CNIH3: variants seen among roughly 807,000 people sequenced by gnomAD.
CNIH3 encodes protein cornichon homolog 3.
In CNIH3, 14 loss-of-function variants were observed where a neutral mutation model predicts 24.1. The observed-to-expected ratio is 0.58, with a 90% confidence interval of 0.38 to 0.91. The LOEUF is 0.91. CNIH3 is among the 40% of genes least tolerant of loss of function. CNIH3 has a pLI of 0.00. For missense variants in CNIH3, 178 were observed against 196.8 expected (o/e 0.90, Z 0.57); for synonymous variants, 68 against 73.8 (o/e 0.92, Z 0.40).
intron 1 of CNIH3, among the ~76,000 whole-genome samples, chr1:224,670,047 G>C (rs1040996304): frequency 2.0e-5 from 3 of 152,144 alleles, no homozygotes; most frequent in Admixed American, 6.5e-5. Flanking sequence ...TTGAGGTAGA[G>C]ATTATTCTCA....
upstream of CNIH3, chr1:224,514,056 CAACAAACA>C (rs1001513224): frequency 2.0e-5 from 3 of 152,190 alleles, no homozygotes; most frequent in Admixed American, 2.0e-4. Context: ...TTTATTAAAG[CAACAAACA>C]AACAAACAAA....
chr1:224,509,586 A>G (rs1678056462), intron 1 of CNIH3, among the ~76,000 whole-genome samples: 1 of 152,148 alleles, frequency 6.6e-6, no homozygotes, highest in Admixed American at 6.5e-5. Flanking sequence ...TCATCTCCCA[A>G]GTACCCTGCC....
intron 1 of CNIH3, among the ~76,000 whole-genome samples, chr1:224,503,385 T>C (rs1326878460): frequency 6.6e-6 from 1 of 152,156 alleles, no homozygotes; most frequent in Non-Finnish European, 1.5e-5. Flanking sequence ...CTCTTGTCTC[T>C]GTCACCCTCC....
At chr1:224,699,790 C>A (rs1687382558) in intron 3 of CNIH3, among the ~76,000 whole-genome samples, 1 of 152,200 alleles carries the variant, frequency 6.6e-6, no homozygotes, top group African/African-American at 2.4e-5. Flanking sequence ...GCCCCTCACC[C>A]CCTACCTGTC....
chr1:224,600,539 G>T (rs1041585086), intron 3 of CNIH3, among the ~76,000 whole-genome samples: 9 of 152,110 alleles, frequency 5.9e-5, no homozygotes, highest in Admixed American at 5.2e-4. Context: ...TGTTGTCCAG[G>T]CTGGAGTGCA....
chr1:224,706,355 A>G (rs762810664), intron 3 of CNIH3, among the ~76,000 whole-genome samples: 3 of 152,166 alleles, frequency 2.0e-5, no homozygotes, highest in Non-Finnish European at 2.9e-5. Flanking sequence ...CCTTGATGTC[A>G]TCAGACAAAT....
downstream of CNIH3, among the ~76,000 whole-genome samples, chr1:224,590,199 T>C (rs908252965): frequency 1.3e-5 from 2 of 152,230 alleles, no homozygotes; most frequent in Non-Finnish European, 2.9e-5. Context: ...ATGCCAGTGC[T>C]GTACTTGGCA....
At chr1:224,710,231 C>G (rs1014964100) in intron 3 of CNIH3, among the ~76,000 whole-genome samples, 1 of 152,222 alleles carries the variant, frequency 6.6e-6, no homozygotes, top group African/African-American at 2.4e-5. Context: ...TTCCATGTTA[C>G]TTGGGATTTA....
intron 1 of CNIH3, among the ~76,000 whole-genome samples, chr1:224,479,942 G>T (rs1207612678): frequency 6.6e-6 from 1 of 152,162 alleles, no homozygotes; most frequent in Non-Finnish European, 1.5e-5. Flanking sequence ...AACTTCACTA[G>T]GTGCTGCCCC....
intron 1 of CNIH3, among the ~76,000 whole-genome samples, chr1:224,638,695 C>T (rs973061075): frequency 6.6e-6 from 1 of 152,154 alleles, no homozygotes; most frequent in African/African-American, 2.4e-5. Flanking sequence ...TTAGAACATG[C>T]AGGTAGCATT....
Position 224,488,480 on chromosome 1 carries a change from GA to G in CNIH3, n.204-27259del, listed in dbSNP as rs1363070266. Among the ~76,000 whole-genome samples the G allele has an allele frequency of 3.9e-3, 339 of 87,212 alleles. 4 individuals carry two copies. The highest frequency in any genetic ancestry group is 0.013 in the African/African-American group (284 of 21,648). The allele number at this position is 87,212 out of a possible 152,430, so 57.2% of individuals were successfully genotyped here. On this transcript the variant is annotated intron_variant and non_coding_transcript_variant, in intron 1 of 5. Coordinates refer to the CNIH3 transcript ENST00000471578. ...TAATTTTTTTTTGGGGGGTGGGGGG[GA>G]ACAGAGTCTTGCTTTGTCATGCATG...
At chr1:224,575,986 G>A (rs10916644) in intron 4 of CNIH3, among the ~76,000 whole-genome samples, 25,002 of 152,010 alleles carry the variant, frequency 0.16, 2,487 homozygotes, top group African/African-American at 0.26. Context: ...GGATCTTACA[G>A]CATCCAAAGA....
chr1:224,449,654 G>A (rs1296663672), intron 1 of CNIH3, among the ~76,000 whole-genome samples: 6 of 151,896 alleles, frequency 4.0e-5, no homozygotes, highest in Admixed American at 6.6e-5. Context: ...CACCACCCCC[G>A]GCTACAAAAT....
At chr1:224,456,460 G>C (rs549344071) in intron 1 of CNIH3, among the ~76,000 whole-genome samples, 30 of 152,264 alleles carry the variant, frequency 2.0e-4, no homozygotes, top group Non-Finnish European at 3.7e-4. Flanking sequence ...GCCTGGGCTG[G>C]AGTGCGGTGG....
chr1:224,565,890 A>G (rs1680561022), intron 3 of CNIH3: 1 of 152,160 alleles, frequency 6.6e-6, no homozygotes, highest in African/African-American at 2.4e-5. Flanking sequence ...GTGGTTGAGC[A>G]GATGAATGGA....
intron 3 of CNIH3, among the ~76,000 whole-genome samples, chr1:224,562,666 ATGAG>A (rs1440850524): frequency 6.6e-6 from 1 of 152,058 alleles, no homozygotes; most frequent in Admixed American, 6.6e-5. Flanking sequence ...TCCCATCCTA[ATGAG>A]TGAGTGCTCA....
intron 1 of CNIH3, among the ~76,000 whole-genome samples, chr1:224,451,008 C>A (rs1156869119): frequency 6.6e-6 from 1 of 152,132 alleles, no homozygotes; most frequent in Non-Finnish European, 1.5e-5. Flanking sequence ...TATTTTCCAG[C>A]CTCATATTTT....
chr1:224,690,401 A>G (rs1686873702), intron 3 of CNIH3, among the ~76,000 whole-genome samples: 1 of 152,144 alleles, frequency 6.6e-6, no homozygotes, highest in South Asian at 2.1e-4. Context: ...AGGTTATGCC[A>G]TGTTGGCCAG....
chr1:224,495,509 A>G (rs1166795553), intron 1 of CNIH3, among the ~76,000 whole-genome samples: 1 of 152,194 alleles, frequency 6.6e-6, no homozygotes, highest in Non-Finnish European at 1.5e-5. Flanking sequence ...GAGCCAAAAT[A>G]GTCTCTACTT....
Sources: gnomAD v4.1 joint callset for allele counts (sites outside exome capture counted in the v4.1 genomes callset) on GRCh38, gnomAD v4.1.1 for gene constraint, MANE v1.5 for transcripts, NCBI Gene and HGNC (gene_info 2026-07-23, HGNC 2026-07-21) for gene names.